Variants in SCLY observed in about 807,000 individuals in gnomAD.
SCLY encodes selenocysteine lyase, also known as putative selenocysteine lyase.
SCLY carries 38 observed loss-of-function variants against 50.1 expected under a neutral mutation model. The ratio of observed to expected loss-of-function variants is 0.76; its 90% CI spans 0.59 to 0.99. SCLY has a LOEUF of 0.99. SCLY is among the 50% of genes least tolerant of loss of function. The pLI, the probability that SCLY is intolerant of heterozygous loss-of-function variation, is 0.00. For synonymous variants in SCLY, 243 were observed against 249.4 expected (o/e 0.97, Z 0.24); for missense variants, 600 against 620.0 (o/e 0.97, Z 0.34).
intron 4 of SCLY, among the ~76,000 whole-genome samples, chr2:238,078,298 A>G (rs985826236): frequency 6.6e-6 from 1 of 152,008 alleles, no homozygotes. Context: ...TTTTTATTAG[A>G]TTGTTTAATC....
rs1054279695 is a variant in SCLY at position 238,067,885 on chromosome 2, G to A, written c.203-180G>A. On this transcript the variant is annotated intron_variant, in intron 2 of 11. Coordinates refer to ENST00000254663, the MANE Select transcript of SCLY (RefSeq NM_016510.7). This position sits in a 1 kb window ranked among gnomAD's most constrained non-coding sequence, Gnocchi z 4.3. ...TCCCTGGTTCGCTGCTGTCTCGGCC[G>A]CCCCTTTGCCGGGTTGTGTCTAGGT... is the stretch of plus-strand genomic sequence containing the variant. Among the ~76,000 whole-genome samples the A allele has an allele frequency of 7.9e-5, 12 of 152,186 alleles. No homozygotes were observed. The highest frequency in any genetic ancestry group is 2.7e-4 in the African/African-American group (11 of 41,450).
chr2:238,064,314 A>G (rs865878515), intron 1 of SCLY, 43 bp from the exon 2 acceptor site: 3 of 1,319,284 alleles, frequency 2.3e-6, no homozygotes, highest in Middle Eastern at 1.9e-4. Flanking sequence ...CCCATATGCC[A>G]TCTCCTTTTC....
chr2:238,070,479 A>G (rs1281589678), intron 4 of SCLY, among the ~76,000 whole-genome samples: 1 of 152,088 alleles, frequency 6.6e-6, no homozygotes, highest in Non-Finnish European at 1.5e-5. Flanking sequence ...CAGGAGTTCG[A>G]GACCAGCCTG....
intron 9 of SCLY, 168 bp downstream of exon 9, chr2:238,094,112 T>A: frequency 1.5e-6 from 1 of 674,602 alleles, no homozygotes; most frequent in South Asian, 1.9e-5. Context: ...GAAAGTACAT[T>A]GGGATCTGAA....
intron 7 of SCLY, among the ~76,000 whole-genome samples, chr2:238,086,041 A>G (rs138316006): frequency 6.6e-6 from 1 of 152,364 alleles, no homozygotes; most frequent in East Asian, 1.9e-4. Flanking sequence ...AGTATGGGAA[A>G]AAGAATTTGG....
chr2:238,073,172 T>C (rs935707505), intron 4 of SCLY, among the ~76,000 whole-genome samples: 3 of 152,232 alleles, frequency 2.0e-5, no homozygotes. Flanking sequence ...GACCGTAATA[T>C]GTGAGGGTTT....
chr2:238,091,317 C>G, intron 8 of SCLY, 63 bp downstream of exon 8: 3 of 1,359,558 alleles, frequency 2.2e-6, no homozygotes, highest in East Asian at 2.3e-5. Context: ...CCCAGCGGCT[C>G]TAGTAGGAAT....
rs1394326728 is a variant in SCLY at position 238,098,850 on chromosome 2, G to A, written c.*495G>A. ...GTAGGAAACTTGATTTTTTTGTTTT[G>A]ATCATGGCCTCTACATGCACCTTTC... On this transcript the variant is annotated 3_prime_UTR_variant, in exon 12 of 12. Coordinates refer to ENST00000254663, the MANE Select transcript of SCLY (RefSeq NM_016510.7). 1.8e-5 allele frequency: 5 copies of A among 271,072 alleles called. No individual in the cohort carries two copies. Among genetic ancestry groups the A allele is most frequent in the Non-Finnish European group, 3.4e-5 (5 of 147,088 alleles). 16.8% of individuals were successfully genotyped at this position (271,072 alleles called of 1,614,324 possible). A position where few individuals can be genotyped will look rare whatever the true frequency, so the allele number is the denominator to read the frequency against.
At chr2:238,061,381 CA>C (rs993362759) in intron 1 of SCLY, 2 of 679,548 alleles carry the variant, frequency 2.9e-6, no homozygotes, top group Admixed American at 2.1e-5. Context: ...GAGTGACTTC[CA>C]GGGGTGAGGT....
Position 238,098,729 on chromosome 2 carries a change from C to T in SCLY, c.*374C>T, listed in dbSNP as rs1158159480. On this transcript the variant is annotated 3_prime_UTR_variant, in exon 12 of 12. Coordinates refer to ENST00000254663, the MANE Select transcript of SCLY (RefSeq NM_016510.7). The stretch of plus-strand genomic sequence containing the variant: ...CACCCTCCCCACTGGGAACTGGGCA[C>T]GCCTGTTGTGAGTGCCCTTTCCTGG... The T allele has an allele frequency of 6.4e-6, 2 of 311,866 alleles. No individual in the cohort carries two copies. Among genetic ancestry groups the T allele is most frequent in the Non-Finnish European group, 1.2e-5 (2 of 173,564 alleles). 19.3% of individuals were successfully genotyped at this position (311,866 alleles called of 1,614,324 possible). A position where few individuals can be genotyped will look rare whatever the true frequency, so the allele number is the denominator to read the frequency against.
At position 238,083,101 on chromosome 2, in the gene SCLY, A is replaced by G; in HGVS notation, c.778-147A>G. The G allele has an allele frequency of 1.4e-6, 1 of 720,868 alleles. No individual in the cohort carries two copies. The highest frequency in any genetic ancestry group is 2.6e-6 in the Non-Finnish European group (1 of 389,444). The allele number at this position is 720,868 out of a possible 1,614,324, so 44.7% of individuals were successfully genotyped here. A position where few individuals can be genotyped will look rare whatever the true frequency, so the allele number is the denominator to read the frequency against. On this transcript the variant is annotated intron_variant, in intron 6 of 11. Transcript: ENST00000254663. The surrounding 1 kb of genome is among the most constrained non-coding windows in gnomAD (Gnocchi z 4.3). The stretch of plus-strand genomic sequence containing the variant: ...GGCTTTTGTGACTCTGCGTGTCAAA[A>G]GGGGTGGCACTCAGAGGCGCCACAA...
Position 238,069,768 on chromosome 2 carries a change from G to A in SCLY, c.484+291G>A. 1 of 333,312 alleles carries A rather than the reference G, an allele frequency of 3.0e-6. No homozygotes were observed. The highest frequency in any genetic ancestry group is 5.4e-6 in the Non-Finnish European group (1 of 184,054). 20.6% of individuals were successfully genotyped at this position (333,312 alleles called of 1,614,324 possible). On this transcript the variant is annotated intron_variant, in intron 4 of 11. Coordinates refer to ENST00000254663, the MANE Select transcript of SCLY (RefSeq NM_016510.7). This position sits in a 1 kb window ranked among gnomAD's most constrained non-coding sequence, Gnocchi z 5.0. ...TAGGAAGTTCATTGAGAATGAATAT[G>A]TAGAACTAGCCATTTGTATAACTGA... is the stretch of plus-strand genomic sequence containing the variant.
chr2:238,085,835 T>G (rs1467254986), intron 7 of SCLY, among the ~76,000 whole-genome samples: 2 of 152,176 alleles, frequency 1.3e-5, no homozygotes, highest in Middle Eastern at 3.2e-3. Flanking sequence ...GATGACAGCC[T>G]GAAAAAGTGC....
intron 4 of SCLY, among the ~76,000 whole-genome samples, chr2:238,070,911 A>C (rs1421500596): frequency 6.6e-6 from 1 of 151,178 alleles, no homozygotes; most frequent in Admixed American, 6.6e-5. Context: ...AGTTCACTGC[A>C]GCCCCTGCCT....
intron 7 of SCLY, among the ~76,000 whole-genome samples, chr2:238,089,565 G>C (rs1221984472): frequency 1.3e-5 from 2 of 151,882 alleles, no homozygotes; most frequent in Non-Finnish European, 2.9e-5. Flanking sequence ...CCTGCAGGCT[G>C]CATGCGGCCC....
chr2:238,068,194 G>C, intron 3 of SCLY, 29 bp downstream of exon 3: 1 of 1,392,320 alleles, frequency 7.2e-7, no homozygotes, highest in Non-Finnish European at 1.0e-6. Flanking sequence ...CTCACATTCT[G>C]TTAACTGTAA....
intron 7 of SCLY, among the ~76,000 whole-genome samples, chr2:238,090,174 A>G (rs1202508298): frequency 6.6e-6 from 1 of 152,218 alleles, no homozygotes; most frequent in Non-Finnish European, 1.5e-5. Flanking sequence ...AAAGATGTTC[A>G]ACAGCATTAG....
intron 4 of SCLY, among the ~76,000 whole-genome samples, chr2:238,077,007 G>C (rs963193159): frequency 3.3e-5 from 5 of 152,002 alleles, no homozygotes; most frequent in Non-Finnish European, 7.4e-5. Context: ...CAAGTCTTCT[G>C]TTCCCTTGTT....
At chr2:238,097,789 G>A (rs981429056) in intron 11 of SCLY, among the ~76,000 whole-genome samples, 2 of 152,150 alleles carry the variant, frequency 1.3e-5, no homozygotes, top group African/African-American at 4.8e-5. Context: ...TGGGTCCCTA[G>A]TGTCTGCAAA....
Sources: gnomAD v4.1 joint callset for allele counts (sites outside exome capture counted in the v4.1 genomes callset) on GRCh38, gnomAD v4.1.1 for gene constraint, Gnocchi (gnomAD v3.1) non-coding constraint, MANE v1.5 for transcripts, NCBI Gene and HGNC (gene_info 2026-07-23, HGNC 2026-07-21) for gene names.